The following SNX17 variants were observed in gnomAD, a reference collection of about 807,000 sequenced individuals.
The protein encoded by SNX17 is sorting nexin-17.
Under a neutral mutation model 64.3 loss-of-function variants are expected in SNX17, and 35 were observed. That is an observed-to-expected ratio of 0.54 (90% confidence interval 0.42 to 0.72). The LOEUF (loss-of-function observed/expected upper bound fraction) is 0.72. Ranked by LOEUF, SNX17 falls within the 30% of genes least tolerant of loss-of-function variation. The pLI, the probability that SNX17 is intolerant of heterozygous loss-of-function variation, is 0.00. For missense variants in SNX17, 538 were observed against 610.0 expected, an observed-to-expected ratio of 0.88 and a Z score of 1.24; for synonymous variants, 259 against 230.2, an observed-to-expected ratio of 1.13 and a Z score of -1.13.
At chr2:27,376,244 A>G (rs1683205621) in intron 12 of SNX17, 61 bp downstream of exon 12, 1 of 1,613,018 alleles carries the variant, frequency 6.2e-7, no homozygotes, top group East Asian at 2.2e-5. Flanking sequence ...TTTGTCCTAG[A>G]TGTGAGGCTT....
In SNX17 at chr2:27,375,453, G is replaced by C. The variant is rs2148403931; in HGVS notation, c.775-53G>C. On this transcript the variant is annotated intron_variant, in intron 9 of 14. Coordinates refer to ENST00000233575, the MANE Select transcript of SNX17 (RefSeq NM_014748.4). This position sits in a 1 kb window ranked among gnomAD's most constrained non-coding sequence, Gnocchi z 4.1. Reference sequence around the variant, plus strand: ...GCGCCCGACCGGGGTTGCTTTTTCTGAGCTGCCCCATTCTCCCTCCTAATC... The same window carrying C: ...GCGCCCGACCGGGGTTGCTTTTTCTCAGCTGCCCCATTCTCCCTCCTAATC... 6.2e-7 allele frequency: 1 copy of C among 1,604,642 alleles called. No individual in the cohort carries two copies. The highest frequency in any genetic ancestry group is 2.2e-5 in the East Asian group (1 of 44,774).
Position 27,373,870 on chromosome 2 carries a change from C to A in SNX17, c.331C>A (p.Gln111Lys). ...TGTGTGCTCACAACAGGAGACACAG[C>A]AGGTCCCCACAGAGGAAGTGTCCTT... ...FLRRAQQETQ[Q>K]VPTEEVSLEV... The change falls in exon 5 of 15, where the codon CAG (glutamine) becomes AAG (lysine). Residue 111 changes from glutamine to lysine, a missense_variant. Transcript: ENST00000233575. 1 of 1,612,886 alleles carries A rather than the reference C, an allele frequency of 6.2e-7. No homozygotes were observed. The highest frequency in any genetic ancestry group is 8.5e-7 in the Non-Finnish European group (1 of 1,179,702).
intron 1 of SNX17, 94 bp from the exon 2 acceptor site, chr2:27,371,175 C>T: frequency 8.9e-7 from 1 of 1,120,856 alleles, no homozygotes; most frequent in South Asian, 1.3e-5. Context: ...TAGCGCGTTA[C>T]TCCGGCGAGT....
chr2:27,371,153 C>G, intron 1 of SNX17, 116 bp from the exon 2 acceptor site: 1 of 930,974 alleles, frequency 1.1e-6, no homozygotes, highest in East Asian at 2.5e-5. Flanking sequence ...AGCGAACTAT[C>G]CCTCGGGAGA....
At chr2:27,372,944 T>G in intron 3 of SNX17, 1 of 1,310,800 alleles carries the variant, frequency 7.6e-7, no homozygotes, top group Non-Finnish European at 1.1e-6. Context: ...CTAACATCTA[T>G]GAGAAATACT....
rs1394395750 is a variant in SNX17, at chr2:27,374,613, T to G, written c.612-76T>G. The G allele has an allele frequency of 3.4e-6, 5 of 1,452,502 alleles. No homozygotes were observed. The African/African-American group carries it at 5.6e-5, about 16-fold the overall frequency. 90.0% of individuals were successfully genotyped at this position (1,452,502 alleles called of 1,614,324 possible). On this transcript the variant is annotated intron_variant, in intron 7 of 14. Coordinates refer to ENST00000233575, the MANE Select transcript of SNX17 (RefSeq NM_014748.4). ...CTGATAGTTCCAGATTGCTCCTGTT[T>G]TGCCCATTTTCCATTCTACCTCTTG...
rs774853374 is a variant in SNX17, at chr2:27,371,365, T to G, written c.138+22T>G. On this transcript the variant is annotated intron_variant, in intron 2 of 14. Coordinates refer to ENST00000233575, the MANE Select transcript of SNX17 (RefSeq NM_014748.4). Reference sequence around the variant, plus strand: ...GCAGGTGGGACTAGCACCCCTGCCTTGAGACAGCTTCAAGCCCTTCCCTAC... The same window carrying G: ...GCAGGTGGGACTAGCACCCCTGCCTGGAGACAGCTTCAAGCCCTTCCCTAC... 2.1e-5 allele frequency: 33 copies of G among 1,602,420 alleles called. No homozygotes were observed. The South Asian group carries it at 3.5e-4, about 17-fold the overall frequency.
chr2:27,376,422 C>T (rs1300617015), intron 13 of SNX17, 35 bp downstream of exon 13: 5 of 1,614,030 alleles, frequency 3.1e-6, no homozygotes, highest in Non-Finnish European at 4.2e-6. Flanking sequence ...CCCTGGCTCT[C>T]AGCCCTGCCT....
intron 11 of SNX17, 43 bp downstream of exon 11, chr2:27,376,014 G>A (rs1255918381): frequency 6.8e-6 from 11 of 1,613,654 alleles, no homozygotes; most frequent in Admixed American, 1.7e-5. Flanking sequence ...ACCTTAAAGT[G>A]TAGAGTTTCC....
intron 3 of SNX17, 170 bp from the exon 4 acceptor site, chr2:27,373,077 T>TG (rs1239153187): frequency 7.7e-6 from 12 of 1,553,024 alleles, no homozygotes; most frequent in Non-Finnish European, 1.0e-5. Context: ...CAGCCAAGGG[T>TG]GGGGCAGGTG....
chr2:27,373,760 G>A (rs1682876676), intron 4 of SNX17, 101 bp from the exon 5 acceptor site: 1 of 774,262 alleles, frequency 1.3e-6, no homozygotes. Flanking sequence ...TATTTAAGCA[G>A]CTGAGAATAA....
intron 3 of SNX17, 135 bp from the exon 4 acceptor site, chr2:27,373,112 A>G: frequency 6.3e-7 from 1 of 1,581,858 alleles, no homozygotes; most frequent in Admixed American, 1.8e-5. Flanking sequence ...ACAGTGAGTG[A>G]GGTGAGGCCA....
rs1014935153 is a variant in SNX17 at position 27,377,382 on chromosome 2, T to A, written c.*663T>A. On this transcript the variant is annotated 3_prime_UTR_variant, in exon 15 of 15. Transcript: ENST00000233575. The surrounding 1 kb of genome is among the most constrained non-coding windows in gnomAD (Gnocchi z 4.4). Reference sequence around the variant, plus strand: ...CTTCTCACTGAGCTCGTGAAGTGCCTCAGTCAAGGCAAGGTCCCCTGGTCC... The same window carrying A: ...CTTCTCACTGAGCTCGTGAAGTGCCACAGTCAAGGCAAGGTCCCCTGGTCC... 2 of 780,500 alleles carry A rather than the reference T, an allele frequency of 2.6e-6. No individual in the cohort carries two copies. The highest frequency in any genetic ancestry group is 4.4e-6 in the Non-Finnish European group (2 of 456,676). The allele number at this position is 780,500 out of a possible 1,614,324, so 48.3% of individuals were successfully genotyped here.
rs1448728173 is a variant in SNX17 at position 27,374,710 on chromosome 2, T to A, written c.633T>A (p.Asp211Glu). The A allele has an allele frequency of 6.2e-7, 1 of 1,614,068 alleles. No homozygotes were observed. The highest frequency in any genetic ancestry group is 1.3e-5 in the African/African-American group (1 of 74,922). Residue 211 changes from aspartate (D) to glutamate (E), a missense_variant, in exon 8 of 15, where the codon GAT (aspartate) becomes GAA (glutamate). Around this residue, in one of 3 missense-constraint regions of SNX17, gnomAD observed 505 missense variants for 550.4 expected, o/e 0.92. Coordinates refer to ENST00000233575, the MANE Select transcript of SNX17 (RefSeq NM_014748.4). ...LRKSYWDSAY[D>E]DDVMENRVGL... ...ACAGTTATTGGGACTCTGCCTATGA[T>A]GACGATGTCATGGAGAACCGGGTTG...
intron 4 of SNX17, 114 bp downstream of exon 4, chr2:27,373,425 C>T (rs146480578): frequency 2.9e-6 from 3 of 1,035,276 alleles, no homozygotes; most frequent in Admixed American, 2.1e-5. Flanking sequence ...TGCAGTGGTG[C>T]GATCTCAGCT....
chr2:27,372,577 C>G (rs377411749), intron 2 of SNX17, 46 bp from the exon 3 acceptor site: 1 of 1,613,716 alleles, frequency 6.2e-7, no homozygotes, highest in Non-Finnish European at 8.5e-7. Context: ...TGCCTCATCT[C>G]ATTTTCTGTG....
intron 2 of SNX17, among the ~76,000 whole-genome samples, chr2:27,372,029 C>T (rs1466300505): frequency 6.6e-6 from 1 of 152,140 alleles, no homozygotes; most frequent in African/African-American, 2.4e-5. Flanking sequence ...GGATTACAGG[C>T]GGCTGCCTCC....
At position 27,373,280 on chromosome 2, in the gene SNX17, CTT is replaced by C; in HGVS notation, c.292_293del (p.Phe98GlnfsTer42). 6.2e-7 allele frequency: 1 copy of C among 1,614,230 alleles called. No individual in the cohort carries two copies. The highest frequency in any genetic ancestry group is 8.5e-7 in the Non-Finnish European group (1 of 1,180,036). On this transcript the variant is annotated frameshift_variant, in exon 4 of 15. Transcript: ENST00000233575. LOFTEE classifies it high-confidence loss of function. ...GACCCATTGCTTGGGAGCAGCGAGA[CTT>C]TCAACAGTTTCCTGCGTCGGGCACA...
Position 27,376,621 on chromosome 2 carries a change from G to T in SNX17, c.1315G>T (p.Val439Leu). Residue 439 changes from valine (V) to leucine (L), a missense_variant, in exon 15 of 15, where the codon GTG becomes TTG. Val to Leu is a conservative substitution (Grantham distance 32, BLOSUM62 1). Around this residue, in one of 3 missense-constraint regions of SNX17, gnomAD observed 505 missense variants for 550.4 expected, o/e 0.92. Transcript: ENST00000233575. ...TTTGTTACAGAGTAAGCTGAGTGCC[G>T]TGAGCTTGCGGGGAATTGGCAGTCC... ...MVKLSSKLSAVSLRGIGSPST... is the reference protein window; with the variant it reads ...MVKLSSKLSALSLRGIGSPST... 1 of 1,614,202 alleles carries T rather than the reference G, an allele frequency of 6.2e-7. No homozygotes were observed. The highest frequency in any genetic ancestry group is 8.5e-7 in the Non-Finnish European group (1 of 1,180,024).
Sources: gnomAD v4.1 joint callset for allele counts (sites outside exome capture counted in the v4.1 genomes callset) on GRCh38, gnomAD v4.1.1 for gene constraint, gnomAD v4.1.1 regional missense constraint, Gnocchi (gnomAD v3.1) non-coding constraint, MANE v1.5 for transcripts, NCBI Gene and HGNC (gene_info 2026-07-23, HGNC 2026-07-21) for gene names.